Variants in C8orf34 observed in about 807,000 individuals in gnomAD.
C8orf34 encodes the protein uncharacterized protein C8orf34.
A neutral mutation model predicts 68.3 loss-of-function variants in C8orf34; 65 were observed. That is an observed-to-expected ratio of 0.95 (90% CI 0.78 to 1.17). The LOEUF (loss-of-function observed/expected upper bound fraction) is 1.17, where lower values mean the gene tolerates loss of function less well. Among genes scored for constraint, C8orf34 ranks in the 50% most tolerant of loss-of-function variants. The pLI, the probability that C8orf34 is intolerant of heterozygous loss-of-function variation, is 0.00. For missense variants in C8orf34, 664 were observed against 655.4 expected (o/e 1.01, Z -0.14); for synonymous variants, 244 against 241.2 (o/e 1.01, Z -0.11).
At position 68,757,850 on chromosome 8, in the gene C8orf34, G is replaced by C. The variant is rs534053352; in HGVS notation, c.1405-18549G>C. 5.3e-5 allele frequency among the ~76,000 whole-genome samples: 8 copies of C among 152,282 alleles called. No homozygotes were observed. In the South Asian group the frequency reaches 8.3e-4, roughly 16 times the overall value. On this transcript the variant is annotated intron_variant, in intron 10 of 13. Coordinates refer to ENST00000518698, the MANE Select transcript of C8orf34 (RefSeq NM_052958.4). ...TTTTTAGCTCTAAGATGTTGGGCAA[G>C]TAATACAGTCTCTCTGAGCTTACTA...
At chr8:68,439,443 G>A in intron 1 of C8orf34, 56 bp from the exon 2 acceptor site, 1 of 1,548,402 alleles carries the variant, frequency 6.5e-7, no homozygotes, top group Non-Finnish European at 8.8e-7. Flanking sequence ...GTAAGTGCTT[G>A]CTATTACTGT....
chr8:68,715,440 A>G (rs1821444001), intron 9 of C8orf34, among the ~76,000 whole-genome samples: 1 of 152,038 alleles, frequency 6.6e-6, no homozygotes, highest in African/African-American at 2.4e-5. Flanking sequence ...AAAACTAACA[A>G]TCCTATCAAA....
At chr8:68,420,031 G>A (rs2129623427) in intron 1 of C8orf34, among the ~76,000 whole-genome samples, 2 of 149,560 alleles carry the variant, frequency 1.3e-5, no homozygotes, top group East Asian at 4.0e-4. Context: ...AATTATCTGA[G>A]AGCTTCAAAG....
intron 12 of C8orf34, among the ~76,000 whole-genome samples, chr8:68,787,829 G>T (rs1342374682): frequency 6.6e-6 from 1 of 152,052 alleles, no homozygotes; most frequent in African/African-American, 2.4e-5. Flanking sequence ...AATAGTCTAC[G>T]ATTACATCAG....
chr8:68,404,989 C>T (rs1463673846), intron 1 of C8orf34, among the ~76,000 whole-genome samples: 3 of 152,128 alleles, frequency 2.0e-5, no homozygotes, highest in Non-Finnish European at 4.4e-5. Flanking sequence ...TAGATTCTTC[C>T]TATCCATGAG....
intron 10 of C8orf34, among the ~76,000 whole-genome samples, chr8:68,755,374 A>C (rs1298616646): frequency 6.6e-6 from 1 of 152,232 alleles, no homozygotes; most frequent in Admixed American, 6.5e-5. Context: ...TAATAGTAAT[A>C]GAGTAATAAG....
intron 10 of C8orf34, among the ~76,000 whole-genome samples, chr8:68,733,818 G>C (rs1300017748): frequency 2.0e-5 from 3 of 152,006 alleles, no homozygotes; most frequent in Non-Finnish European, 4.4e-5. Context: ...CAGAATATTG[G>C]GACATCTAGA....
intron 6 of C8orf34, chr8:68,530,763 A>G: frequency 3.4e-6 from 1 of 297,644 alleles, no homozygotes; most frequent in Non-Finnish European, 5.1e-6. Flanking sequence ...GGGTTAGTCA[A>G]ATTAAAAAAT....
At chr8:68,529,039 C>T (rs963762851) in intron 6 of C8orf34, among the ~76,000 whole-genome samples, 1 of 152,160 alleles carries the variant, frequency 6.6e-6, no homozygotes, top group Admixed American at 6.5e-5. Flanking sequence ...ATTCCCTGCA[C>T]CATTCCTTTC....
rs1204692748 is a variant in C8orf34, at chr8:68,424,900, A to C, written c.328-14599A>C. 4.6e-5 allele frequency among the ~76,000 whole-genome samples: 7 copies of C among 152,116 alleles called. No individual in the cohort carries two copies. In the East Asian group the frequency reaches 7.7e-4, roughly 17 times the overall value. ...GGGTGACAGAGTGAGACTCCATCCCAAAAATAATAATAATAATAATTATAA... is the reference window on the plus strand; with the variant it reads ...GGGTGACAGAGTGAGACTCCATCCCCAAAATAATAATAATAATAATTATAA... On this transcript the variant is annotated intron_variant, in intron 1 of 13. Coordinates refer to ENST00000518698, the MANE Select transcript of C8orf34 (RefSeq NM_052958.4).
intron 10 of C8orf34, among the ~76,000 whole-genome samples, chr8:68,739,615 C>T (rs1018340980): frequency 6.6e-6 from 1 of 151,958 alleles, no homozygotes; most frequent in Non-Finnish European, 1.5e-5. Context: ...GAAACAACAC[C>T]CCAAGCTCAT....
chr8:68,401,044 G>A lies in C8orf34; in HGVS notation c.328-38455G>A, dbSNP rs564086062. ...TTTTCCATTTCTTCATGTTATCTTCGGTTTCTTTCATCAGTGTTTTGCAGT... is the reference window on the plus strand; with the variant it reads ...TTTTCCATTTCTTCATGTTATCTTCAGTTTCTTTCATCAGTGTTTTGCAGT... On this transcript the variant is annotated intron_variant, in intron 1 of 13. Transcript: ENST00000518698. Among the ~76,000 whole-genome samples, 30 of 150,034 alleles carry A rather than the reference G, an allele frequency of 2.0e-4. No individual in the cohort carries two copies. The East Asian group carries it at 4.9e-3, about 24-fold the overall frequency.
chr8:68,763,201 G>T (rs756875548), intron 10 of C8orf34, among the ~76,000 whole-genome samples: 49 of 152,202 alleles, frequency 3.2e-4, no homozygotes, highest in Admixed American at 1.6e-3. Flanking sequence ...GGCTGAAGGG[G>T]TTTAGACAAT....
intron 1 of C8orf34, among the ~76,000 whole-genome samples, chr8:68,360,526 C>T (rs1408258365): frequency 6.6e-6 from 1 of 152,160 alleles, no homozygotes; most frequent in African/African-American, 2.4e-5. Context: ...CTCCAGACAT[C>T]TGGAATTCAC....
chr8:68,617,158 C>G (rs7825929), intron 7 of C8orf34, among the ~76,000 whole-genome samples: 44,590 of 151,968 alleles, frequency 0.29, 8,293 homozygotes, highest in African/African-American at 0.54. Flanking sequence ...TTCCTCCATC[C>G]TTTTATTTTG....
intron 1 of C8orf34, among the ~76,000 whole-genome samples, chr8:68,429,761 C>T (rs987127553): frequency 3.3e-5 from 5 of 152,152 alleles, no homozygotes; most frequent in African/African-American, 4.8e-5. Flanking sequence ...GTAAATCTCA[C>T]AAACACAGGA....
chr8:68,582,059 G>A (rs1563543222), intron 7 of C8orf34, among the ~76,000 whole-genome samples: 1 of 152,140 alleles, frequency 6.6e-6, no homozygotes, highest in Non-Finnish European at 1.5e-5. Context: ...AAGAGTTACA[G>A]CTGGCACTCC....
At chr8:68,440,379 T>C (rs1457204348) in intron 2 of C8orf34, among the ~76,000 whole-genome samples, 1 of 152,172 alleles carries the variant, frequency 6.6e-6, no homozygotes, top group Non-Finnish European at 1.5e-5. Context: ...CACCTCTTCA[T>C]GCTTTATGGG....
intron 8 of C8orf34, chr8:68,695,606 A>G (rs1208182297): frequency 6.6e-6 from 1 of 152,162 alleles, no homozygotes; most frequent in East Asian, 1.9e-4. Context: ...GAAAACAGGT[A>G]CAGATTTCGT....
Sources: allele counts gnomAD v4.1 joint callset (sites outside exome capture counted in the v4.1 genomes callset), GRCh38; gene constraint gnomAD v4.1.1; transcripts MANE v1.5; gene names NCBI Gene and HGNC (gene_info 2026-07-23, HGNC 2026-07-21).